BMPER: variants seen among roughly 807,000 people sequenced by gnomAD.
BMPER encodes the protein BMP binding endothelial regulator.
BMPER carries 45 observed loss-of-function variants against 87.3 expected under a neutral mutation model. The observed-to-expected ratio is 0.52, with a 90% CI of 0.41 to 0.66. BMPER has a LOEUF of 0.66. BMPER is among the 30% of genes least tolerant of loss of function. The pLI is 0.00. For synonymous variants in BMPER, 326 were observed against 316.2 expected, an observed-to-expected ratio of 1.03 and a Z score of -0.33; for missense variants, 784 against 867.5, an observed-to-expected ratio of 0.90 and a Z score of 1.21.
intron 6 of BMPER, among the ~76,000 whole-genome samples, chr7:33,999,892 C>T (rs1355923207): frequency 6.6e-6 from 1 of 152,200 alleles, no homozygotes; most frequent in East Asian, 1.9e-4. Context: ...TCCCCATTCT[C>T]AGAACTTAAA....
rs1279967653 is a variant in BMPER, at chr7:34,085,973, G to T, written c.1626G>T (p.Val542=). ...EFCNRPQRKP[V]PELCQGTVKV... ...GCAACAGACCTCAGAGAAAGCCAGTGCCTGAACTGTGTCAAGGGACAGTCA... is the reference window on the plus strand; with the variant it reads ...GCAACAGACCTCAGAGAAAGCCAGTTCCTGAACTGTGTCAAGGGACAGTCA... Residue 542 remains valine, a synonymous_variant, in exon 13 of 15, where the codon GTG becomes GTT. Coordinates refer to ENST00000649409, the MANE Select transcript of BMPER (RefSeq NM_001365308.1). The T allele has an allele frequency of 1.9e-6, 3 of 1,614,148 alleles. No individual in the cohort carries two copies. Among genetic ancestry groups the T allele is most frequent in the Middle Eastern group, 3.3e-4 (2 of 6,062 alleles).
At chr7:34,002,791 T>C (rs1306654618) in intron 6 of BMPER, among the ~76,000 whole-genome samples, 1 of 151,824 alleles carries the variant, frequency 6.6e-6, no homozygotes, top group Non-Finnish European at 1.5e-5. Context: ...AATTTTTGTC[T>C]TAAAGACTTT....
chr7:33,963,187 T>C (rs1161130669), intron 3 of BMPER, among the ~76,000 whole-genome samples: 1 of 152,210 alleles, frequency 6.6e-6, no homozygotes, highest in Non-Finnish European at 1.5e-5. Context: ...TTTGCTTCTA[T>C]TCTAAACGTC....
intron 11 of BMPER, among the ~76,000 whole-genome samples, chr7:34,073,879 C>T (rs968316073): frequency 2.0e-5 from 3 of 152,138 alleles, no homozygotes; most frequent in African/African-American, 4.8e-5. Flanking sequence ...GGCATTGGGC[C>T]GGGAGCTGAA....
At chr7:34,024,355 C>CT (rs1441372623) in intron 6 of BMPER, among the ~76,000 whole-genome samples, 2 of 23,750 alleles carry the variant, frequency 8.4e-5, no homozygotes, top group African/African-American at 6.0e-4. Context: ...GAAACTCTGT[C>CT]TCAAAAAAAA....
intron 3 of BMPER, among the ~76,000 whole-genome samples, chr7:33,952,922 T>G (rs896406868): frequency 1.3e-5 from 2 of 152,248 alleles, no homozygotes; most frequent in African/African-American, 4.8e-5. Context: ...CATTGGTATG[T>G]TCATGAACTT....
At position 34,155,185 on chromosome 7, in the gene BMPER, C is replaced by G. The variant is rs922459736; in HGVS notation, c.*1912C>G. On this transcript the variant is annotated 3_prime_UTR_variant, in exon 15 of 15. Transcript: ENST00000649409. ...TCATTGATTCCCTGCTCTGCCCTGA[C>G]AGGAGGGGTAGGGAAAATCAGTTGA... The G allele has an allele frequency of 6.6e-6, 1 of 152,190 alleles. No homozygotes were observed. The highest frequency in any genetic ancestry group is 1.5e-5 in the Non-Finnish European group (1 of 68,036). 9.4% of individuals were successfully genotyped at this position (152,190 alleles called of 1,614,324 possible).
intron 3 of BMPER, among the ~76,000 whole-genome samples, chr7:33,939,042 A>G (rs751257713): frequency 6.6e-6 from 1 of 152,092 alleles, no homozygotes; most frequent in Non-Finnish European, 1.5e-5. Flanking sequence ...AAAACAAAAA[A>G]AAAGACAAAA....
At chr7:34,102,219 C>T (rs1789699253) in intron 13 of BMPER, among the ~76,000 whole-genome samples, 1 of 152,076 alleles carries the variant, frequency 6.6e-6, no homozygotes, top group Admixed American at 6.5e-5. Context: ...CCCAGTTCCT[C>T]ATGGTTATAG....
chr7:34,057,552 G>A (rs1271364594), intron 9 of BMPER, among the ~76,000 whole-genome samples: 2 of 152,164 alleles, frequency 1.3e-5, no homozygotes, highest in South Asian at 4.1e-4. Flanking sequence ...GGAGTCATTT[G>A]AATTAGCCTG....
chr7:34,031,921 T>C lies in BMPER; in HGVS notation c.577-14385T>C, dbSNP rs184599638. Among the ~76,000 whole-genome samples, 1,088 of 109,602 alleles carry C rather than the reference T, an allele frequency of 9.9e-3. 9 individuals are homozygous for C. The highest frequency in any genetic ancestry group is 0.032 in the East Asian group (118 of 3,744). The allele number at this position is 109,602 out of a possible 152,430, so 71.9% of individuals were successfully genotyped here. On this transcript the variant is annotated intron_variant, in intron 6 of 14. Coordinates refer to ENST00000649409, the MANE Select transcript of BMPER (RefSeq NM_001365308.1). The stretch of plus-strand genomic sequence containing the variant: ...ATATATATATATATATATATATATA[T>C]ATATATACACACACACACACACATA...
chr7:33,974,482 A>G (rs1011556184), intron 5 of BMPER, among the ~76,000 whole-genome samples: 4 of 151,924 alleles, frequency 2.6e-5, no homozygotes, highest in African/African-American at 9.7e-5. Flanking sequence ...CCTGGGTTCC[A>G]CTGTCTTATT....
At position 34,051,966 on chromosome 7, in the gene BMPER, G is replaced by A. The variant is rs1467967116; in HGVS notation, c.782G>A (p.Cys261Tyr). The A allele has an allele frequency of 6.2e-7, 1 of 1,609,284 alleles. No individual in the cohort carries two copies. Among genetic ancestry groups the A allele is most frequent in the Non-Finnish European group, 8.5e-7 (1 of 1,175,596 alleles). The stretch of plus-strand genomic sequence containing the variant: ...TACGATAACTGCACAGCTTGTACCT[G>A]CAGGGTAAGGCAGCTCTGAGAGGCT... Reference protein sequence around the residue: ...FLYDNCTACTCRDSTVVCKRK... With the variant: ...FLYDNCTACTYRDSTVVCKRK... Residue 261 changes from cysteine to tyrosine, a missense_variant, in exon 8 of 15, where the codon TGC becomes TAC. By Grantham distance (194) the Cys-to-Tyr change is radical (BLOSUM62 -2). Transcript: ENST00000649409.
At chr7:33,994,301 G>A (rs529624105) in intron 6 of BMPER, among the ~76,000 whole-genome samples, 1 of 152,232 alleles carries the variant, frequency 6.6e-6, no homozygotes, top group Non-Finnish European at 1.5e-5. Context: ...CTCCGAGCCA[G>A]GTGCGGGATA....
chr7:33,935,659 C>T (rs1277922375), intron 2 of BMPER, among the ~76,000 whole-genome samples: 1 of 151,804 alleles, frequency 6.6e-6, no homozygotes, highest in African/African-American at 2.4e-5. Context: ...AGGTCACCCT[C>T]CCATCATAAG....
At chr7:33,946,136 C>T (rs138427467) in intron 3 of BMPER, among the ~76,000 whole-genome samples, 119 of 152,244 alleles carry the variant, frequency 7.8e-4, no homozygotes, top group African/African-American at 2.7e-3. Context: ...CTTCACAGGG[C>T]AGTAGGAGAG....
chr7:33,966,666 A>T, intron 4 of BMPER, 105 bp downstream of exon 4: 1 of 1,117,560 alleles, frequency 8.9e-7, no homozygotes, highest in East Asian at 2.5e-5. Context: ...GCCAAACAGA[A>T]ATGAAAAAAA....
At chr7:34,091,439 G>T (rs1292239180) in intron 13 of BMPER, among the ~76,000 whole-genome samples, 1 of 152,170 alleles carries the variant, frequency 6.6e-6, no homozygotes, top group African/African-American at 2.4e-5. Flanking sequence ...GTGTGACATT[G>T]TATGCCTTTT....
rs751181900 is a variant in BMPER, at chr7:33,974,697, T to C, written c.494-5T>C. The C allele has an allele frequency of 4.3e-6, 7 of 1,613,934 alleles. No individual in the cohort carries two copies. Among genetic ancestry groups the C allele is most frequent in the South Asian group, 1.1e-5 (1 of 91,076 alleles). ...CCTAATTCTAAACTCTTGTCTGCTT[T>C]CCAGGCTGTGTGTTTGAGGGTGTGC... On this transcript the variant is annotated splice_polypyrimidine_tract_variant and splice_region_variant and intron_variant, in intron 5 of 14. Transcript: ENST00000649409.
Sources: allele counts gnomAD v4.1 joint callset (sites outside exome capture counted in the v4.1 genomes callset), GRCh38; gene constraint gnomAD v4.1.1; transcripts MANE v1.5; gene names NCBI Gene and HGNC (gene_info 2026-07-23, HGNC 2026-07-21).